FGD3: variants seen among roughly 807,000 people sequenced by gnomAD.
The protein encoded by FGD3 is FYVE, RhoGEF and PH domain containing 3, also known as FYVE, RhoGEF and PH domain-containing protein 3.
FGD3 carries 45 observed loss-of-function variants against 71.8 expected under a neutral mutation model. The observed-to-expected ratio is 0.63, with a 90% CI of 0.49 to 0.80. The LOEUF (loss-of-function observed/expected upper bound fraction) is 0.80, where lower values mean the gene tolerates loss of function less well. Among genes scored for constraint, FGD3 ranks in the 30% least tolerant of loss-of-function variants. FGD3 has a pLI of 0.00. For missense variants in FGD3, 844 were observed against 951.5 expected (o/e 0.89, Z 1.49); for synonymous variants, 378 against 392.8 (o/e 0.96, Z 0.44).
intron 1 of FGD3, among the ~76,000 whole-genome samples, chr9:92,955,647 A>G (rs144845051): frequency 4.0e-4 from 61 of 152,288 alleles, no homozygotes; most frequent in African/African-American, 1.4e-3. Flanking sequence ...GGACCATATC[A>G]TAGCTCGGAC....
chr9:93,013,305 C>G (rs563191621), intron 8 of FGD3, among the ~76,000 whole-genome samples: 2 of 152,364 alleles, frequency 1.3e-5, no homozygotes, highest in Non-Finnish European at 2.9e-5. Flanking sequence ...GGTACAGACT[C>G]AGACATGTGG....
intron 7 of FGD3, 137 bp from the exon 8 acceptor site, chr9:93,011,077 A>C: frequency 1.2e-6 from 1 of 859,138 alleles, no homozygotes; most frequent in Non-Finnish European, 1.9e-6. Context: ...CCAGTCCTCT[A>C]GAGTAGCCCA....
intron 16 of FGD3, chr9:93,034,146 G>GGT (rs143800227): frequency 7.2e-4 from 116 of 161,594 alleles, no homozygotes; most frequent in South Asian, 1.3e-3. Flanking sequence ...CTGTGTGTGT[G>GGT]GTGTGTGTGT....
Position 93,003,939 on chromosome 9 carries a change from G to T in FGD3, c.544-62G>T. ...AGCGCCCTCACCTGTGGCCGAAGCGGGGCGGCAACTGTGCTCAGTGGAAGA... is the reference window on the plus strand; with the variant it reads ...AGCGCCCTCACCTGTGGCCGAAGCGTGGCGGCAACTGTGCTCAGTGGAAGA... On this transcript the variant is annotated intron_variant, in intron 4 of 17. Transcript: ENST00000375482. The surrounding 1 kb of genome is among the most constrained non-coding windows in gnomAD (Gnocchi z 4.1). 1 of 1,596,162 alleles carries T rather than the reference G, an allele frequency of 6.3e-7. No individual in the cohort carries two copies.
chr9:92,976,056 A>G (rs1462453568), intron 2 of FGD3, among the ~76,000 whole-genome samples, 152 bp from the exon 3 acceptor site: 1 of 152,198 alleles, frequency 6.6e-6, no homozygotes, highest in African/African-American at 2.4e-5. Flanking sequence ...TGACCAGGGC[A>G]TTCACACTTC....
chr9:93,028,517 T>C (rs1167509808), intron 14 of FGD3, among the ~76,000 whole-genome samples: 1 of 152,106 alleles, frequency 6.6e-6, no homozygotes, highest in Non-Finnish European at 1.5e-5. Flanking sequence ...ACAAAGTGTC[T>C]CAAGGGAGGC....
chr9:92,963,740 C>T (rs1859217699), intron 1 of FGD3, among the ~76,000 whole-genome samples: 1 of 152,242 alleles, frequency 6.6e-6, no homozygotes, highest in Non-Finnish European at 1.5e-5. Flanking sequence ...AGGGTGCCCT[C>T]CTGGTGGGGC....
intron 2 of FGD3, 118 bp downstream of exon 2, chr9:92,975,523 T>C (rs1309616139): frequency 6.6e-6 from 1 of 152,210 alleles, no homozygotes; most frequent in African/African-American, 2.4e-5. Flanking sequence ...TCACCTTTGC[T>C]CCTCCTCAGA....
rs148829963 is a variant in FGD3, at chr9:93,002,303, G to T, written c.454-622G>T. 3.5e-4 allele frequency among the ~76,000 whole-genome samples: 54 copies of T among 152,254 alleles called. No homozygotes were observed. The East Asian group carries it at 9.3e-3, about 26-fold the overall frequency. On this transcript the variant is annotated intron_variant, in intron 3 of 17. Transcript: ENST00000375482. The stretch of plus-strand genomic sequence containing the variant: ...TGCCCAATGTCAAAAACAGGAGGAG[G>T]CCAGGCACGGTGGCTCACACCTGTA...
intron 3 of FGD3, among the ~76,000 whole-genome samples, chr9:92,996,549 G>A (rs1403147745): frequency 6.6e-6 from 1 of 152,078 alleles, no homozygotes; most frequent in African/African-American, 2.4e-5. Flanking sequence ...TGCTTCTCTA[G>A]TTCTTTTAAT....
intron 16 of FGD3, 188 bp from the exon 17 acceptor site, chr9:93,034,353 A>G: frequency 3.1e-6 from 2 of 642,596 alleles, no homozygotes; most frequent in Non-Finnish European, 5.0e-6. Flanking sequence ...ACACATGCCT[A>G]TGTCCTGCAG....
chr9:93,008,991 G>A (rs116940950), intron 6 of FGD3, among the ~76,000 whole-genome samples: 5,360 of 151,114 alleles, frequency 0.035, 114 homozygotes, highest in Middle Eastern at 0.079. Flanking sequence ...TTGGCCAGGC[G>A]CGATGGCTCA....
At chr9:92,967,536 G>T (rs1374075680) in intron 1 of FGD3, among the ~76,000 whole-genome samples, 1 of 152,098 alleles carries the variant, frequency 6.6e-6, no homozygotes, top group Admixed American at 6.6e-5. Context: ...ATGTCCTCAG[G>T]GTCCACCCCT....
intron 15 of FGD3, 137 bp from the exon 16 acceptor site, chr9:93,032,632 A>C: frequency 1.2e-6 from 1 of 818,720 alleles, no homozygotes; most frequent in Non-Finnish European, 2.0e-6. Flanking sequence ...AGAAGCTCTT[A>C]TCCCTCGCCA....
intron 3 of FGD3, among the ~76,000 whole-genome samples, chr9:92,991,614 A>T (rs991323060): frequency 6.6e-6 from 1 of 152,174 alleles, no homozygotes; most frequent in Non-Finnish European, 1.5e-5. Context: ...ACATGAGAAG[A>T]ATGTGTATTC....
chr9:93,021,207 G>C (rs1206601616), intron 13 of FGD3, among the ~76,000 whole-genome samples: 1 of 152,214 alleles, frequency 6.6e-6, no homozygotes, highest in African/African-American at 2.4e-5. Context: ...CCTGGGAGAT[G>C]GTGGCTCAGA....
intron 1 of FGD3, chr9:92,974,829 G>C (rs1235924867): frequency 6.6e-6 from 1 of 152,486 alleles, no homozygotes; most frequent in East Asian, 1.9e-4. Context: ...GTATGTGCCT[G>C]GGGGAGGGTG....
chr9:93,015,498 C>T (rs1861639870), intron 9 of FGD3, among the ~76,000 whole-genome samples: 1 of 151,982 alleles, frequency 6.6e-6, no homozygotes, highest in Admixed American at 6.6e-5. Flanking sequence ...ATACAATTAG[C>T]TCATGTTCAT....
At chr9:92,990,428 C>T (rs1480029455) in intron 3 of FGD3, among the ~76,000 whole-genome samples, 1 of 152,226 alleles carries the variant, frequency 6.6e-6, no homozygotes, top group Non-Finnish European at 1.5e-5. Context: ...TCTTGCCTAA[C>T]TCTTCTGGCT....
Sources: allele counts gnomAD v4.1 joint callset (sites outside exome capture counted in the v4.1 genomes callset), GRCh38; gene constraint gnomAD v4.1.1; non-coding constraint Gnocchi (gnomAD v3.1); transcripts MANE v1.5; gene names NCBI Gene and HGNC (gene_info 2026-07-23, HGNC 2026-07-21).